The following CAPS2 variants were observed in gnomAD, a reference collection of about 807,000 sequenced individuals.
CAPS2 encodes the protein calcyphosin-2.
Under a neutral mutation model 86.5 loss-of-function variants are expected in CAPS2, and 98 were observed. The observed-to-expected ratio is 1.13, with a 90% CI of 0.96 to 1.34. The LOEUF is 1.34. Ranked by LOEUF, CAPS2 falls within the 40% of genes most tolerant of loss-of-function variation. The pLI is 0.00. For synonymous variants in CAPS2, 210 were observed against 225.1 expected (o/e 0.93, Z 0.60); for missense variants, 729 against 686.8 (o/e 1.06, Z -0.69).
Position 75,316,146 on chromosome 12 carries a change from T to TA in CAPS2, c.591+165dup. ...ATTTTTTTACAGAATATATACCAAA[T>TA]ACAATTCAATCATTTATAAAAATGA... On this transcript the variant is annotated intron_variant, in intron 6 of 16. Transcript: ENST00000393284. 7.7e-6 allele frequency: 7 copies of TA among 907,244 alleles called. No individual in the cohort carries two copies. In the South Asian group the frequency reaches 1.1e-4, roughly 14 times the overall value. 56.2% of individuals were successfully genotyped at this position (907,244 alleles called of 1,614,324 possible).
upstream of CAPS2, among the ~76,000 whole-genome samples, chr12:75,327,120 A>G (rs1176716142): frequency 6.6e-6 from 1 of 152,202 alleles, no homozygotes; most frequent in Non-Finnish European, 1.5e-5. Flanking sequence ...ATAAAATAAT[A>G]AATTTATGTT....
At chr12:75,311,366 A>G (rs112595031) in intron 7 of CAPS2, among the ~76,000 whole-genome samples, 2,404 of 152,244 alleles carry the variant, frequency 0.016, 57 homozygotes, top group African/African-American at 0.05. Context: ...AGGGATCAAA[A>G]TATCACCAGG....
chr12:75,302,760 C>T (rs2037970342), intron 8 of CAPS2, among the ~76,000 whole-genome samples: 1 of 152,092 alleles, frequency 6.6e-6, no homozygotes, highest in East Asian at 1.9e-4. Flanking sequence ...ATCAAAATGG[C>T]CTATATACAT....
rs539097698 is a variant in CAPS2, at chr12:75,350,036, C to G, written c.-394-26814G>C. Among the ~76,000 whole-genome samples, 5 of 152,344 alleles carry G rather than the reference C, an allele frequency of 3.3e-5. No homozygotes were observed. In the East Asian group the frequency reaches 9.7e-4, roughly 29 times the overall value. ...CACCACCACTGTGGCTCCAGTTGGC[C>G]ATTTTCCCCTGCTGCTGGTGCCAGC... On this transcript the variant is annotated intron_variant, in intron 1 of 5. Coordinates refer to the CAPS2 transcript ENST00000551829.
intron 12 of CAPS2, among the ~76,000 whole-genome samples, chr12:75,292,379 T>A (rs1171855847): frequency 6.6e-6 from 1 of 152,056 alleles, no homozygotes; most frequent in Non-Finnish European, 1.5e-5. Flanking sequence ...ATTCATTTTG[T>A]AACAATTTTA....
intron 1 of CAPS2, among the ~76,000 whole-genome samples, chr12:75,387,434 T>C (rs548413370): frequency 2.6e-5 from 4 of 152,314 alleles, no homozygotes; most frequent in African/African-American, 9.6e-5. Flanking sequence ...TGGAGGAACA[T>C]GAGCTCTCAT....
At chr12:75,377,072 GA>G (rs2044690322) in intron 1 of CAPS2, among the ~76,000 whole-genome samples, 1 of 152,164 alleles carries the variant, frequency 6.6e-6, no homozygotes, top group Non-Finnish European at 1.5e-5. Flanking sequence ...CAAGAGCATT[GA>G]ATCAGGAGTA....
chr12:75,351,545 G>GTTT (rs200327101), intron 1 of CAPS2, among the ~76,000 whole-genome samples: 1 of 148,430 alleles, frequency 6.7e-6, no homozygotes, highest in African/African-American at 2.5e-5. Flanking sequence ...ACTCTGTTTT[G>GTTT]TTTTGTTTTT....
At chr12:75,365,951 C>T (rs902846921) in intron 1 of CAPS2, among the ~76,000 whole-genome samples, 1 of 152,070 alleles carries the variant, frequency 6.6e-6, no homozygotes, top group African/African-American at 2.4e-5. Context: ...TTTTATAACC[C>T]TTATGCAAAA....
intron 1 of CAPS2, among the ~76,000 whole-genome samples, chr12:75,341,520 C>T (rs1000651159): frequency 3.9e-5 from 6 of 152,122 alleles, no homozygotes; most frequent in Non-Finnish European, 7.4e-5. Context: ...TGTCTCGGCT[C>T]ACTGCAAGCT....
intron 1 of CAPS2, among the ~76,000 whole-genome samples, chr12:75,385,313 T>C (rs2045233095): frequency 6.6e-6 from 1 of 152,136 alleles, no homozygotes; most frequent in African/African-American, 2.4e-5. Flanking sequence ...AATCAACTAA[T>C]GTAATAAATC....
exon 17 of CAPS2, chr12:75,277,213 T>C: frequency 2.9e-6 from 2 of 684,132 alleles, no homozygotes; most frequent in African/African-American, 2.1e-5. Context: ...AGCTTCCCTT[T>C]TTTTTTTTTT....
Position 75,289,791 on chromosome 12 carries a change from A to G in CAPS2, c.1241-16T>C, listed in dbSNP as rs2138241211. The G allele has an allele frequency of 6.3e-7, 1 of 1,593,104 alleles. No homozygotes were observed. Among genetic ancestry groups the G allele is most frequent in the Non-Finnish European group, 8.6e-7 (1 of 1,168,232 alleles). On this transcript the variant is annotated splice_polypyrimidine_tract_variant and intron_variant, in intron 13 of 16. Transcript: ENST00000393284. ...TTTAGCACATCTGTTCAACAAGAAGAGAGATGAAAACAAATTGTTCCTATG... is the reference window on the plus strand; with the variant it reads ...TTTAGCACATCTGTTCAACAAGAAGGGAGATGAAAACAAATTGTTCCTATG...
At chr12:75,311,547 A>C (rs1277591341) in intron 7 of CAPS2, among the ~76,000 whole-genome samples, 1 of 151,958 alleles carries the variant, frequency 6.6e-6, no homozygotes, top group Non-Finnish European at 1.5e-5. Context: ...ATGATACTGG[A>C]TGAGATCACT....
intron 5 of CAPS2, among the ~76,000 whole-genome samples, chr12:75,316,914 T>C (rs1242546095): frequency 6.6e-6 from 1 of 152,134 alleles, no homozygotes; most frequent in Non-Finnish European, 1.5e-5. Flanking sequence ...GCTAAAGAGA[T>C]AAATACCAAA....
At chr12:75,326,767 G>A (rs1023772071), upstream of CAPS2, among the ~76,000 whole-genome samples, 1 of 152,104 alleles carries the variant, frequency 6.6e-6, no homozygotes, top group Non-Finnish European at 1.5e-5. Flanking sequence ...CACCTTACAT[G>A]GCAAAAAGGA....
upstream of CAPS2, among the ~76,000 whole-genome samples, chr12:75,330,942 G>A (rs2041251793): frequency 1.3e-5 from 2 of 151,920 alleles, no homozygotes; most frequent in East Asian, 1.9e-4. Context: ...CCACCACCAC[G>A]CCCGGTTAAT....
chr12:75,350,404 C>G (rs1320029567), intron 1 of CAPS2, among the ~76,000 whole-genome samples: 3 of 152,090 alleles, frequency 2.0e-5, no homozygotes, highest in African/African-American at 7.2e-5. Context: ...GGTGAGATCT[C>G]CCAACAGGGG....
At chr12:75,344,497 A>G (rs2042320765) in intron 1 of CAPS2, among the ~76,000 whole-genome samples, 1 of 152,100 alleles carries the variant, frequency 6.6e-6, no homozygotes, top group African/African-American at 2.4e-5. Flanking sequence ...CAATGAATAT[A>G]CCTAATATGT....
Sources: gnomAD v4.1 joint callset for allele counts (sites outside exome capture counted in the v4.1 genomes callset) on GRCh38, gnomAD v4.1.1 for gene constraint, MANE v1.5 for transcripts, NCBI Gene and HGNC (gene_info 2026-07-23, HGNC 2026-07-21) for gene names.